The following TRABD2A variants were observed in gnomAD, a reference collection of about 807,000 sequenced individuals.
The protein encoded by TRABD2A is metalloprotease TIKI1.
Under a neutral mutation model 45.6 loss-of-function variants are expected in TRABD2A, and 43 were observed. That is an observed-to-expected ratio of 0.94 (90% confidence interval 0.74 to 1.22). The LOEUF is 1.22. Ranked by LOEUF, TRABD2A falls within the 50% of genes most tolerant of loss-of-function variation. The pLI, the probability that TRABD2A is intolerant of heterozygous loss-of-function variation, is 0.00. For missense variants in TRABD2A, 642 were observed against 652.4 expected (o/e 0.98, Z 0.17); for synonymous variants, 269 against 265.0 (o/e 1.02, Z -0.15).
intron 2 of TRABD2A, among the ~76,000 whole-genome samples, chr2:84,860,964 G>A (rs1682475496): frequency 1.3e-5 from 2 of 152,222 alleles, no homozygotes; most frequent in South Asian, 4.1e-4. Flanking sequence ...TGAAAGTCTT[G>A]GATCCAGAAA....
chr2:84,866,564 T>C (rs1384832347), intron 2 of TRABD2A, among the ~76,000 whole-genome samples: 1 of 152,190 alleles, frequency 6.6e-6, no homozygotes, highest in Non-Finnish European at 1.5e-5. Flanking sequence ...ATACCACTCA[T>C]CTTGAGAAGT....
At chr2:84,875,321 G>A (rs142660216) in intron 1 of TRABD2A, among the ~76,000 whole-genome samples, 23 of 152,312 alleles carry the variant, frequency 1.5e-4, no homozygotes, top group African/African-American at 5.5e-4. Flanking sequence ...CCTCCAGGAG[G>A]CAGAAACAGC....
intron 2 of TRABD2A, among the ~76,000 whole-genome samples, chr2:84,869,588 C>G (rs948188350): frequency 6.6e-6 from 1 of 152,168 alleles, no homozygotes; most frequent in Non-Finnish European, 1.5e-5. Flanking sequence ...ATTTTCAAAC[C>G]AGGCCATGCC....
At chr2:84,859,925 G>C (rs10432651) in intron 2 of TRABD2A, among the ~76,000 whole-genome samples, 33 of 151,120 alleles carry the variant, frequency 2.2e-4, no homozygotes, top group African/African-American at 7.9e-4. Flanking sequence ...CTCATGGCTC[G>C]GTCTCATTTA....
chr2:84,828,928 G>A (rs561497848), intron 5 of TRABD2A, among the ~76,000 whole-genome samples: 40 of 152,266 alleles, frequency 2.6e-4, no homozygotes, highest in African/African-American at 8.9e-4. Context: ...AGAGAGAACT[G>A]GGGGTAGTGT....
chr2:84,865,847 A>T (rs1354609640), intron 2 of TRABD2A, among the ~76,000 whole-genome samples: 1 of 152,214 alleles, frequency 6.6e-6, no homozygotes. Flanking sequence ...ACAGAGAAGA[A>T]GTGAGACACC....
At chr2:84,867,320 A>G (rs1304476914) in intron 2 of TRABD2A, among the ~76,000 whole-genome samples, 1 of 152,250 alleles carries the variant, frequency 6.6e-6, no homozygotes, top group African/African-American at 2.4e-5. Context: ...GTCTATAATT[A>G]TAGTGCTCTA....
chr2:84,832,169 A>G (rs1166902729), intron 4 of TRABD2A, 24 bp from the exon 5 acceptor site: 2 of 1,611,462 alleles, frequency 1.2e-6, no homozygotes, highest in Non-Finnish European at 1.7e-6. Flanking sequence ...AACAACCTGA[A>G]ATGCTGCAGC....
Position 84,881,012 on chromosome 2 carries a change from G to A in TRABD2A, c.28C>T (p.Gln10Ter). 1 of 1,605,506 alleles carries A rather than the reference G, an allele frequency of 6.2e-7. No homozygotes were observed. The highest frequency in any genetic ancestry group is 8.5e-7 in the Non-Finnish European group (1 of 1,176,758). The change falls in exon 1 of 7, where the codon CAG (glutamine) becomes TAG (stop). Residue 10 changes from glutamine to a stop codon, truncating the protein, a stop_gained. Transcript: ENST00000409520. LOFTEE classifies it high-confidence loss of function. ...CCCGTGGGCAGGAGGCAGAGGGTCT[G>A]CAGCAGGAACCAGCTCCAGGGACTC... MSPWSWFLLQTLCLLPTGAA... is the reference protein window; with the variant it reads MSPWSWFLL
At chr2:84,860,152 T>A (rs1682452088) in intron 2 of TRABD2A, among the ~76,000 whole-genome samples, 1 of 152,130 alleles carries the variant, frequency 6.6e-6, no homozygotes, top group Admixed American at 6.5e-5. Flanking sequence ...AAGACAGCTT[T>A]GAAATGATGC....
At chr2:84,862,260 G>T (rs1682524932) in intron 2 of TRABD2A, among the ~76,000 whole-genome samples, 1 of 152,224 alleles carries the variant, frequency 6.6e-6, no homozygotes, top group Non-Finnish European at 1.5e-5. Flanking sequence ...ACCTGGCAGG[G>T]GGACTCTTTG....
At chr2:84,862,808 G>A (rs1481296213) in intron 2 of TRABD2A, among the ~76,000 whole-genome samples, 2 of 152,136 alleles carry the variant, frequency 1.3e-5, no homozygotes, top group Non-Finnish European at 2.9e-5. Context: ...GAGCAGGCCT[G>A]TGCCCAGGGG....
At position 84,864,101 on chromosome 2, in the gene TRABD2A, G is replaced by C. The variant is rs1276245436; in HGVS notation, c.669+6124C>G. Among the ~76,000 whole-genome samples the C allele has an allele frequency of 2.6e-5, 4 of 152,148 alleles. No homozygotes were observed. The South Asian group carries it at 8.3e-4, about 32-fold the overall frequency. The stretch of plus-strand genomic sequence containing the variant: ...GCCAATTACTCCTCTAAGTCTGGCA[G>C]TTGGCAGCATTCAGTGTAGGTGCAC... On this transcript the variant is annotated intron_variant, in intron 2 of 6. Transcript: ENST00000409520.
intron 2 of TRABD2A, among the ~76,000 whole-genome samples, chr2:84,863,093 C>G (rs531377594): frequency 4.1e-4 from 63 of 152,280 alleles, no homozygotes; most frequent in African/African-American, 1.4e-3. Context: ...GTCAGACTCC[C>G]AGGGTACCGA....
At chr2:84,864,131 C>T (rs1170781031) in intron 2 of TRABD2A, among the ~76,000 whole-genome samples, 1 of 152,010 alleles carries the variant, frequency 6.6e-6, no homozygotes, top group Non-Finnish European at 1.5e-5. Context: ...GTGCACCTGA[C>T]AGCAATAACT....
At chr2:84,840,112 C>A (rs1410977835) in intron 3 of TRABD2A, among the ~76,000 whole-genome samples, 1 of 152,120 alleles carries the variant, frequency 6.6e-6, no homozygotes, top group Non-Finnish European at 1.5e-5. Context: ...CAGTATCTAC[C>A]CTGCCTGCTG....
At chr2:84,826,391 T>C (rs1414104123) in intron 5 of TRABD2A, among the ~76,000 whole-genome samples, 3 of 152,240 alleles carry the variant, frequency 2.0e-5, no homozygotes, top group African/African-American at 4.8e-5. Flanking sequence ...TTAGCTTTAC[T>C]CTTCCTGGTT....
chr2:84,823,917 G>C, intron 6 of TRABD2A, 36 bp downstream of exon 6: 1 of 1,610,566 alleles, frequency 6.2e-7, no homozygotes, highest in Non-Finnish European at 8.5e-7. Context: ...CTAGGGTAAA[G>C]GTGGATGCCA....
intron 1 of TRABD2A, among the ~76,000 whole-genome samples, chr2:84,876,907 T>C (rs1440256786): frequency 6.6e-6 from 1 of 152,212 alleles, no homozygotes; most frequent in African/African-American, 2.4e-5. Flanking sequence ...GCTTTTCTGC[T>C]TTTTTATGCC....
Sources: allele counts gnomAD v4.1 joint callset (sites outside exome capture counted in the v4.1 genomes callset), GRCh38; gene constraint gnomAD v4.1.1; transcripts MANE v1.5; gene names NCBI Gene and HGNC (gene_info 2026-07-23, HGNC 2026-07-21).